The following ASIC1 variants were observed in gnomAD, a reference collection of about 807,000 sequenced individuals.
The protein encoded by ASIC1 is acid-sensing ion channel 1.
A neutral mutation model predicts 63.4 loss-of-function variants in ASIC1; 21 were observed. The ratio of observed to expected loss-of-function variants is 0.33; its 90% CI spans 0.23 to 0.48. The LOEUF is 0.48. Among genes scored for constraint, ASIC1 ranks in the 20% least tolerant of loss-of-function variants. The pLI is 0.99. For synonymous variants in ASIC1, 258 were observed against 278.2 expected, an observed-to-expected ratio of 0.93 and a Z score of 0.72; for missense variants, 478 against 695.5, an observed-to-expected ratio of 0.69 and a Z score of 3.52.
At chr12:50,061,885 A>T (rs1467852575) in intron 3 of ASIC1, among the ~76,000 whole-genome samples, 1 of 152,216 alleles carries the variant, frequency 6.6e-6, no homozygotes, top group African/African-American at 2.4e-5. Flanking sequence ...TGATTGGCTC[A>T]CAAAGTTCTG....
chr12:50,075,186 C>A (rs576979614), intron 3 of ASIC1, among the ~76,000 whole-genome samples: 5 of 152,280 alleles, frequency 3.3e-5, no homozygotes, highest in South Asian at 4.1e-4. Context: ...TCCTCCACCC[C>A]CTCCCTAGCG....
intron 3 of ASIC1, among the ~76,000 whole-genome samples, chr12:50,067,478 C>T (rs1950556926): frequency 6.7e-6 from 1 of 149,516 alleles, no homozygotes; most frequent in Admixed American, 6.7e-5. Flanking sequence ...GGCACCATCT[C>T]AGCTCACTGC....
intron 3 of ASIC1, among the ~76,000 whole-genome samples, chr12:50,067,460 A>G (rs1950556768): frequency 7.0e-6 from 1 of 143,348 alleles, no homozygotes; most frequent in Middle Eastern, 3.7e-3. Context: ...CTCAGGCTGG[A>G]GTGCAGTGGC....
chr12:50,073,665 C>T, intron 3 of ASIC1: 1 of 1,536,336 alleles, frequency 6.5e-7, no homozygotes, highest in Non-Finnish European at 8.7e-7. Context: ...TTTGGGGTCC[C>T]CACCACCATC....
chr12:50,073,757 G>A (rs1473532953), intron 3 of ASIC1: 4 of 1,536,302 alleles, frequency 2.6e-6, no homozygotes, highest in East Asian at 2.4e-5. Flanking sequence ...GCCAGTGAGG[G>A]GCATTCACCC....
At chr12:50,077,388 C>T in intron 4 of ASIC1, 25 bp downstream of exon 4, 2 of 1,613,618 alleles carry the variant, frequency 1.2e-6, no homozygotes, top group Non-Finnish European at 1.7e-6. Flanking sequence ...TCAGGGGCCC[C>T]TCTGCATGGC....
rs1950723077 is a variant in ASIC1, at chr12:50,081,745, C to G, written c.*96C>G. 2.8e-5 allele frequency: 31 copies of G among 1,109,392 alleles called. No individual in the cohort carries two copies. In the South Asian group the frequency reaches 4.1e-4, roughly 15 times the overall value. The allele number at this position is 1,109,392 out of a possible 1,614,324, so 68.7% of individuals were successfully genotyped here. On this transcript the variant is annotated 3_prime_UTR_variant, in exon 12 of 12. Coordinates refer to ENST00000447966, the MANE Select transcript of ASIC1 (RefSeq NM_001095.4). Reference sequence around the variant, plus strand: ...CCTCACATCTGCCCTGGGGACTCCCCACACTCCGGGGCAGATCTTTCCTCT... The same window carrying G: ...CCTCACATCTGCCCTGGGGACTCCCGACACTCCGGGGCAGATCTTTCCTCT...
chr12:50,075,032 C>T lies in ASIC1; in HGVS notation c.559-2181C>T, dbSNP rs79125905. 3.5e-3 allele frequency among the ~76,000 whole-genome samples: 527 copies of T among 152,106 alleles called. 4 individuals carry two copies. The highest frequency in any genetic ancestry group is 0.012 in the African/African-American group (501 of 41,508). Reference sequence around the variant, plus strand: ...TCTGCTTGGCCCCCCACCCAGGGGTCCAGGGCTTTCCCTGCTGGGGGGCCA... The same window carrying T: ...TCTGCTTGGCCCCCCACCCAGGGGTTCAGGGCTTTCCCTGCTGGGGGGCCA... On this transcript the variant is annotated intron_variant, in intron 3 of 11. Transcript: ENST00000447966.
At position 50,081,748 on chromosome 12, in the gene ASIC1, A is replaced by C. The variant is rs1424963221; in HGVS notation, c.*99A>C. On this transcript the variant is annotated 3_prime_UTR_variant, in exon 12 of 12. Coordinates refer to ENST00000447966, the MANE Select transcript of ASIC1 (RefSeq NM_001095.4). ...CACATCTGCCCTGGGGACTCCCCAC[A>C]CTCCGGGGCAGATCTTTCCTCTTGT... 1 of 1,044,698 alleles carries C rather than the reference A, an allele frequency of 9.6e-7. No homozygotes were observed. The highest frequency in any genetic ancestry group is 2.2e-5 in the Admixed American group (1 of 45,940). The allele number at this position is 1,044,698 out of a possible 1,614,324, so 64.7% of individuals were successfully genotyped here. A position where few individuals can be genotyped will look rare whatever the true frequency, so the allele number is the denominator to read the frequency against.
chr12:50,073,137 C>G (rs1421073609), intron 3 of ASIC1, among the ~76,000 whole-genome samples: 3 of 151,918 alleles, frequency 2.0e-5, no homozygotes, highest in Non-Finnish European at 4.4e-5. Context: ...GGACTGTGGT[C>G]GCTGTGATCA....
Position 50,081,655 on chromosome 12 carries a change from G to C in ASIC1, c.*6G>C, listed in dbSNP as rs1165448513. Reference sequence around the variant, plus strand: ...TCGAGGACTTTACCTGCTGAGCCCCGCAGGCCGCTGAACCAAAGGCCTAGA... The same window carrying C: ...TCGAGGACTTTACCTGCTGAGCCCCCCAGGCCGCTGAACCAAAGGCCTAGA... On this transcript the variant is annotated 3_prime_UTR_variant, in exon 12 of 12. Transcript: ENST00000447966. 1 of 1,612,580 alleles carries C rather than the reference G, an allele frequency of 6.2e-7. No individual in the cohort carries two copies. The highest frequency in any genetic ancestry group is 1.1e-5 in the South Asian group (1 of 90,882).
chr12:50,082,279 A>T lies in ASIC1; in HGVS notation c.*630A>T, dbSNP rs1455403961. 6.5e-6 allele frequency: 1 copy of T among 153,224 alleles called. No individual in the cohort carries two copies. Among genetic ancestry groups the T allele is most frequent in the Non-Finnish European group, 1.5e-5 (1 of 68,544 alleles). The allele number at this position is 153,224 out of a possible 1,614,324, so 9.5% of individuals were successfully genotyped here. A position where few individuals can be genotyped will look rare whatever the true frequency, so the allele number is the denominator to read the frequency against. ...GGACAAGATGCGGCCCTGGTGCTGTAGGCTACATCCTGATACCTATAAGTT... is the reference window on the plus strand; with the variant it reads ...GGACAAGATGCGGCCCTGGTGCTGTTGGCTACATCCTGATACCTATAAGTT... On this transcript the variant is annotated 3_prime_UTR_variant, in exon 12 of 12. Coordinates refer to ENST00000447966, the MANE Select transcript of ASIC1 (RefSeq NM_001095.4).
intron 1 of ASIC1, among the ~76,000 whole-genome samples, chr12:50,058,132 C>G (rs967839916): frequency 1.3e-5 from 2 of 151,900 alleles, no homozygotes; most frequent in Non-Finnish European, 2.9e-5. Flanking sequence ...ACCGCGCCCC[C>G]CCTCCATACA....
intron 3 of ASIC1, among the ~76,000 whole-genome samples, chr12:50,076,025 G>A (rs1162697270): frequency 6.6e-6 from 1 of 152,228 alleles, no homozygotes; most frequent in Non-Finnish European, 1.5e-5. Flanking sequence ...TGCCCTGGGG[G>A]CTCAGTCCCA....
At chr12:50,068,419 T>C (rs1950566438) in intron 3 of ASIC1, among the ~76,000 whole-genome samples, 1 of 152,200 alleles carries the variant, frequency 6.6e-6, no homozygotes, top group Admixed American at 6.5e-5. Context: ...TAGGGTATGA[T>C]TCTGTTTAGC....
rs1236794135 is a variant in ASIC1, at chr12:50,074,214, G to T, written c.559-2999G>T. Reference sequence around the variant, plus strand: ...TGCTGCTCTATTGCTCCTACCAAGGGGGACCCTGCGGCCCTCACAACTTCT... The same window carrying T: ...TGCTGCTCTATTGCTCCTACCAAGGTGGACCCTGCGGCCCTCACAACTTCT... On this transcript the variant is annotated intron_variant, in intron 3 of 11. Coordinates refer to ENST00000447966, the MANE Select transcript of ASIC1 (RefSeq NM_001095.4). This position sits in a 1 kb window ranked among gnomAD's most constrained non-coding sequence, Gnocchi z 4.2. 1 of 1,508,198 alleles carries T rather than the reference G, an allele frequency of 6.6e-7. No homozygotes were observed. Among genetic ancestry groups the T allele is most frequent in the East Asian group, 2.5e-5 (1 of 40,634 alleles). 93.4% of individuals were successfully genotyped at this position (1,508,198 alleles called of 1,614,324 possible).
chr12:50,081,404 C>T, intron 11 of ASIC1, 40 bp downstream of exon 11: 1 of 1,547,110 alleles, frequency 6.5e-7, no homozygotes, highest in Non-Finnish European at 8.7e-7. Flanking sequence ...CCCGCCTGTG[C>T]CTCCACCGCC....
intron 3 of ASIC1, chr12:50,073,804 C>T: frequency 1.3e-6 from 2 of 1,534,604 alleles, no homozygotes; most frequent in Non-Finnish European, 1.7e-6. Flanking sequence ...CTGCACCCTC[C>T]ATGGCACCAA....
In ASIC1 at chr12:50,059,989, G is replaced by A. The variant is rs772913771; in HGVS notation, c.558+35G>A. ...CTCGTGTGGGGTGTGAGTCAGCCTG[G>A]CCCACAGAGGAGGAGGAGGAGACAA... On this transcript the variant is annotated intron_variant, in intron 3 of 11. Transcript: ENST00000447966. The surrounding 1 kb of genome is among the most constrained non-coding windows in gnomAD (Gnocchi z 4.6). 1 of 1,605,474 alleles carries A rather than the reference G, an allele frequency of 6.2e-7. No individual in the cohort carries two copies. The highest frequency in any genetic ancestry group is 8.5e-7 in the Non-Finnish European group (1 of 1,174,596).
Sources: gnomAD v4.1 joint callset for allele counts (sites outside exome capture counted in the v4.1 genomes callset) on GRCh38, gnomAD v4.1.1 for gene constraint, Gnocchi (gnomAD v3.1) non-coding constraint, MANE v1.5 for transcripts, NCBI Gene and HGNC (gene_info 2026-07-23, HGNC 2026-07-21) for gene names.